CR1L: variants seen among roughly 807,000 people sequenced by gnomAD.
CR1L encodes complement C3b/C4b receptor 1 like.
Under a neutral mutation model 62.3 loss-of-function variants are expected in CR1L, and 59 were observed. The observed-to-expected ratio is 0.95, with a 90% CI of 0.77 to 1.18. The LOEUF (loss-of-function observed/expected upper bound fraction) is 1.18. Ranked by LOEUF, CR1L falls within the 50% of genes most tolerant of loss-of-function variation. CR1L has a pLI of 0.00. For missense variants in CR1L, 700 were observed against 702.8 expected (o/e 1.00, Z 0.04); for synonymous variants, 279 against 248.7 (o/e 1.12, Z -1.15).
At chr1:207,704,477 T>G (rs1460756200) in intron 9 of CR1L, among the ~76,000 whole-genome samples, 1 of 152,250 alleles carries the variant, frequency 6.6e-6, no homozygotes, top group Non-Finnish European at 1.5e-5. Context: ...ACTCCAATTT[T>G]GAAAGCAGTT....
chr1:207,669,555 G>C, intron 1 of CR1L: 1 of 1,554,158 alleles, frequency 6.4e-7, no homozygotes, highest in Non-Finnish European at 8.7e-7. Context: ...TCGCGCTGCC[G>C]GTGGCCTGGG....
intron 1 of CR1L, among the ~76,000 whole-genome samples, chr1:207,658,071 G>A (rs1490425981): frequency 6.6e-6 from 1 of 152,162 alleles, no homozygotes; most frequent in Non-Finnish European, 1.5e-5. Flanking sequence ...ATTAGAAAGT[G>A]TTTTGAATTG....
chr1:207,685,691 C>G (rs1433350698), intron 4 of CR1L, among the ~76,000 whole-genome samples: 1 of 152,192 alleles, frequency 6.6e-6, no homozygotes, highest in Non-Finnish European at 1.5e-5. Context: ...TCCTGGCCTA[C>G]AGAGAATGAG....
intron 1 of CR1L, among the ~76,000 whole-genome samples, chr1:207,651,236 C>G (rs998336931): frequency 6.6e-6 from 1 of 151,922 alleles, no homozygotes; most frequent in Non-Finnish European, 1.5e-5. Flanking sequence ...AAAAATAAGT[C>G]AAGATACTGT....
At chr1:207,658,316 A>AAAT (rs59607292) in intron 1 of CR1L, 1 of 151,846 alleles carries the variant, frequency 6.6e-6, no homozygotes, top group African/African-American at 2.4e-5. Flanking sequence ...AGAAAAAAAA[A>AAAT]TAGAGAAGAT....
At chr1:207,696,544 T>C (rs775315070) in intron 5 of CR1L, among the ~76,000 whole-genome samples, 20 of 152,120 alleles carry the variant, frequency 1.3e-4, no homozygotes, top group Non-Finnish European at 2.2e-4. Flanking sequence ...CAGGCATTGA[T>C]TAGTCAAGGG....
chr1:207,712,781 T>C (rs146769236), intron 10 of CR1L, among the ~76,000 whole-genome samples: 27 of 152,206 alleles, frequency 1.8e-4, no homozygotes, highest in African/African-American at 6.5e-4. Flanking sequence ...CTGTGATGAC[T>C]TCCTGGGCCA....
At chr1:207,691,563 T>A (rs893839145) in intron 4 of CR1L, among the ~76,000 whole-genome samples, 6 of 152,118 alleles carry the variant, frequency 3.9e-5, no homozygotes, top group African/African-American at 1.4e-4. Flanking sequence ...ATTTGTTTCA[T>A]GTGTTTGTGC....
chr1:207,677,293 G>C (rs1319764750), intron 1 of CR1L, 96 bp from the exon 2 acceptor site: 1 of 1,179,652 alleles, frequency 8.5e-7, no homozygotes, highest in Non-Finnish European at 1.1e-6. Flanking sequence ...GGGTGACAGA[G>C]GGAGACTCTG....
chr1:207,645,835 CCTGGG>C (rs1186786283), intron 1 of CR1L, among the ~76,000 whole-genome samples: 15 of 152,094 alleles, frequency 9.9e-5, no homozygotes, highest in Non-Finnish European at 1.8e-4. Context: ...GCTGGGCTGG[CCTGGG>C]CTGGGCTGGG....
At chr1:207,652,362 T>G (rs903679949) in intron 1 of CR1L, among the ~76,000 whole-genome samples, 3 of 152,230 alleles carry the variant, frequency 2.0e-5, no homozygotes, top group Non-Finnish European at 4.4e-5. Flanking sequence ...GGATGTTACT[T>G]AAAACATGCA....
At chr1:207,656,239 AAATCAATC>A (rs34072066) in intron 1 of CR1L, among the ~76,000 whole-genome samples, 22 of 151,604 alleles carry the variant, frequency 1.5e-4, no homozygotes, top group Non-Finnish European at 1.9e-4. Flanking sequence ...TTCCGTCTCA[AAATCAATC>A]AATCAATCAA....
Position 207,703,052 on chromosome 1 carries a change from G to A in CR1L, c.1328+1434G>A, listed in dbSNP as rs186606181. ...AGATTGTGCCACTGCACTCCAGGTT[G>A]GGTGATTCCTGAGGTTTAAGGAAAG... On this transcript the variant is annotated intron_variant, in intron 9 of 11. Transcript: ENST00000508064. 2.0e-5 allele frequency among the ~76,000 whole-genome samples: 3 copies of A among 152,330 alleles called. No homozygotes were observed. In the East Asian group the frequency reaches 5.8e-4, roughly 29 times the overall value.
At chr1:207,702,406 C>T (rs1345973929) in intron 9 of CR1L, among the ~76,000 whole-genome samples, 1 of 152,140 alleles carries the variant, frequency 6.6e-6, no homozygotes, top group South Asian at 2.1e-4. Context: ...CAATTAATAG[C>T]CCTACAATGG....
intron 10 of CR1L, among the ~76,000 whole-genome samples, chr1:207,714,963 T>A (rs769688861): frequency 6.6e-6 from 1 of 152,200 alleles, no homozygotes; most frequent in Admixed American, 6.5e-5. Context: ...CAATGAAAGA[T>A]GACACCTGAA....
chr1:207,683,096 TTCTCTCTCTCTCTCCCTCTGACTC>T (rs2102461712), intron 3 of CR1L, among the ~76,000 whole-genome samples: 1 of 147,278 alleles, frequency 6.8e-6, no homozygotes, highest in African/African-American at 2.5e-5. Context: ...CTCTTTCTCT[TTCTCTCTCTCTCTCCCTCTGACTC>T]TCTCTCTCTC....
At chr1:207,675,491 A>G (rs1193129232) in intron 1 of CR1L, among the ~76,000 whole-genome samples, 2 of 152,200 alleles carry the variant, frequency 1.3e-5, no homozygotes, top group Non-Finnish European at 2.9e-5. Context: ...TAGACAGGGG[A>G]AAAATGTGTG....
chr1:207,705,524 C>T (rs115400436), intron 9 of CR1L, among the ~76,000 whole-genome samples: 6,196 of 152,242 alleles, frequency 0.041, 184 homozygotes, highest in South Asian at 0.11. Context: ...TTTGTGCCAC[C>T]GCAACAAACA....
At chr1:207,668,983 TC>T (rs1250719857) in intron 1 of CR1L, 1 of 153,888 alleles carries the variant, frequency 6.5e-6, no homozygotes, top group African/African-American at 2.5e-5. Context: ...TTCTTCACAT[TC>T]CCTGTGCACT....
Sources: gnomAD v4.1 joint callset for allele counts (sites outside exome capture counted in the v4.1 genomes callset) on GRCh38, gnomAD v4.1.1 for gene constraint, MANE v1.5 for transcripts, NCBI Gene and HGNC (gene_info 2026-07-23, HGNC 2026-07-21) for gene names.